CCDC60: variants seen among roughly 807,000 people sequenced by gnomAD.
CCDC60 encodes coiled-coil domain containing 60.
Under a neutral mutation model 63.5 loss-of-function variants are expected in CCDC60, and 54 were observed. The ratio of observed to expected loss-of-function variants is 0.85; its 90% CI spans 0.68 to 1.07. The LOEUF (loss-of-function observed/expected upper bound fraction) is 1.07. Among genes scored for constraint, CCDC60 ranks in the 50% least tolerant of loss-of-function variants. CCDC60 has a pLI of 0.00. For synonymous variants in CCDC60, 206 were observed against 238.8 expected (o/e 0.86, Z 1.27); for missense variants, 651 against 684.3 (o/e 0.95, Z 0.54).
chr12:119,463,852 G>T (rs993700286), intron 2 of CCDC60, among the ~76,000 whole-genome samples: 5 of 152,206 alleles, frequency 3.3e-5, no homozygotes, highest in Admixed American at 3.3e-4. Flanking sequence ...AAAGTCTATG[G>T]CCTCCTGGAG....
At chr12:119,528,141 T>C (rs1479442382) in intron 11 of CCDC60, among the ~76,000 whole-genome samples, 1 of 151,964 alleles carries the variant, frequency 6.6e-6, no homozygotes, top group Admixed American at 6.6e-5. Context: ...TGGGGTGACA[T>C]GGTGATATTT....
At chr12:119,491,430 G>A (rs778359124) in intron 5 of CCDC60, among the ~76,000 whole-genome samples, 23 of 152,180 alleles carry the variant, frequency 1.5e-4, no homozygotes, top group Middle Eastern at 6.8e-3. Context: ...CTGGGTTCAC[G>A]CCATTCTCCT....
intron 3 of CCDC60, 143 bp from the exon 4 acceptor site, chr12:119,478,951 C>A: frequency 1.5e-6 from 1 of 666,524 alleles, no homozygotes; most frequent in Non-Finnish European, 2.7e-6. Flanking sequence ...GCATCTGAAA[C>A]CCTCATCCCT....
rs550170589 is a variant in CCDC60 at position 119,519,854 on chromosome 12, G to A, written c.969-267G>A. Among the ~76,000 whole-genome samples, 10 of 142,694 alleles carry A rather than the reference G, an allele frequency of 7.0e-5. No homozygotes were observed. The South Asian group carries it at 2.2e-3, about 32-fold the overall frequency. The allele number at this position is 142,694 out of a possible 152,430, so 93.6% of individuals were successfully genotyped here. A position where few individuals can be genotyped will look rare whatever the true frequency, so the allele number is the denominator to read the frequency against. On this transcript the variant is annotated intron_variant, in intron 8 of 13. Transcript: ENST00000327554. ...GGGAATTTTAGGAGAGAGAGAGAGA[G>A]AGTGTGTGTGTGTGTGTGTGTGTAT...
chr12:119,540,726 G>C lies in CCDC60; in HGVS notation c.*11G>C, dbSNP rs1266485697. ...AGCGCCCTGAGGTAGGCTGGGCCTG[G>C]GTTGACCAGCTGTCTCAGTGGAGGA... On this transcript the variant is annotated 3_prime_UTR_variant, in exon 14 of 14. Transcript: ENST00000327554. 3.8e-6 allele frequency: 6 copies of C among 1,586,278 alleles called. No homozygotes were observed. Among genetic ancestry groups the C allele is most frequent in the Non-Finnish European group, 5.2e-6 (6 of 1,156,002 alleles).
intron 7 of CCDC60, among the ~76,000 whole-genome samples, chr12:119,507,562 ATATATATG>A (rs1459833338): frequency 3.6e-4 from 24 of 66,992 alleles, no homozygotes; most frequent in South Asian, 3.4e-3. Flanking sequence ...ATATATATAT[ATATATATG>A]TATATATACA....
chr12:119,539,842 G>A (rs752363632), intron 13 of CCDC60, among the ~76,000 whole-genome samples: 4 of 152,204 alleles, frequency 2.6e-5, no homozygotes, highest in African/African-American at 7.2e-5. Flanking sequence ...CCTGGTCTGC[G>A]GGTTGTGGAG....
At chr12:119,421,245 G>A (rs1265950893) in intron 1 of CCDC60, among the ~76,000 whole-genome samples, 2 of 152,188 alleles carry the variant, frequency 1.3e-5, no homozygotes, top group African/African-American at 4.8e-5. Flanking sequence ...TTCCGGCCAT[G>A]ACCTCCAACA....
intron 7 of CCDC60, among the ~76,000 whole-genome samples, chr12:119,507,109 G>A (rs1952026756): frequency 6.6e-6 from 1 of 152,140 alleles, no homozygotes; most frequent in African/African-American, 2.4e-5. Context: ...TGGCAGCCGA[G>A]GCTGGGCTGA....
At position 119,472,110 on chromosome 12, in the gene CCDC60, A is replaced by C. The variant is rs755919639; in HGVS notation, c.287A>C (p.Lys96Thr). The C allele has an allele frequency of 1.5e-5, 24 of 1,614,088 alleles. 2 individuals are homozygous for C. In the South Asian group the frequency reaches 2.5e-4, roughly 17 times the overall value. Residue 96 changes from lysine (K) to threonine (T), a missense_variant, in exon 3 of 14, where the codon AAA becomes ACA. Transcript: ENST00000327554. The stretch of plus-strand genomic sequence containing the variant: ...AAACTGAAAGAGGAGGAAAGAAATA[A>C]ATTCCAGCCAGCCGAAAAGATCTCA... ...LQKLKEEERN[K>T]FQPAEKISEI... is the part of the protein sequence containing the mutation.
intron 1 of CCDC60, among the ~76,000 whole-genome samples, chr12:119,359,646 A>G (rs1955753332): frequency 6.6e-6 from 1 of 151,780 alleles, no homozygotes; most frequent in Non-Finnish European, 1.5e-5. Context: ...AAGTGAACAA[A>G]GGTCTCTGGT....
At chr12:119,393,452 C>T (rs567654770) in intron 1 of CCDC60, among the ~76,000 whole-genome samples, 8 of 152,304 alleles carry the variant, frequency 5.3e-5, no homozygotes, top group African/African-American at 1.9e-4. Flanking sequence ...TCGCTGCTCC[C>T]GAATTGTATT....
At chr12:119,421,965 T>C (rs894101707) in intron 1 of CCDC60, among the ~76,000 whole-genome samples, 1 of 152,182 alleles carries the variant, frequency 6.6e-6, no homozygotes, top group Non-Finnish European at 1.5e-5. Flanking sequence ...AGTCCATGCG[T>C]GCTCCATCCC....
chr12:119,380,856 G>T (rs1179465490), intron 1 of CCDC60, among the ~76,000 whole-genome samples: 1 of 152,128 alleles, frequency 6.6e-6, no homozygotes, highest in Non-Finnish European at 1.5e-5. Flanking sequence ...TACTTTTATA[G>T]TTACTTTCTA....
chr12:119,433,640 T>C, intron 2 of CCDC60: 1 of 698,256 alleles, frequency 1.4e-6, no homozygotes, highest in Non-Finnish European at 2.6e-6. Flanking sequence ...ACAAAGATGA[T>C]GTTGACTTTT....
At chr12:119,432,381 C>T (rs1234297470) in intron 2 of CCDC60, among the ~76,000 whole-genome samples, 1 of 152,200 alleles carries the variant, frequency 6.6e-6, no homozygotes, top group Non-Finnish European at 1.5e-5. Flanking sequence ...GCAGCAGGGA[C>T]GTTGGATCAG....
At chr12:119,523,661 A>G (rs777246148) in intron 10 of CCDC60, 32 bp from the exon 11 acceptor site, 1 of 1,612,190 alleles carries the variant, frequency 6.2e-7, no homozygotes, top group Admixed American at 1.7e-5. Context: ...CCTGGGCTCC[A>G]TTCCCCAAGC....
At chr12:119,367,969 A>G (rs1955857326) in intron 1 of CCDC60, among the ~76,000 whole-genome samples, 1 of 151,506 alleles carries the variant, frequency 6.6e-6, no homozygotes, top group African/African-American at 2.4e-5. Context: ...CATATCTGTG[A>G]GTCTCTTAAA....
chr12:119,459,705 A>G (rs1950820958), intron 2 of CCDC60, among the ~76,000 whole-genome samples: 1 of 152,160 alleles, frequency 6.6e-6, no homozygotes, highest in African/African-American at 2.4e-5. Flanking sequence ...AAACTGGTTC[A>G]TCTGGTCTTG....
Sources: gnomAD v4.1 joint callset for allele counts (sites outside exome capture counted in the v4.1 genomes callset) on GRCh38, gnomAD v4.1.1 for gene constraint, MANE v1.5 for transcripts, NCBI Gene and HGNC (gene_info 2026-07-23, HGNC 2026-07-21) for gene names.